Variants in DLGAP2 observed in about 807,000 individuals in gnomAD.
DLGAP2 encodes the protein disks large-associated protein 2.
Under a neutral mutation model 100.3 loss-of-function variants are expected in DLGAP2, and 26 were observed. That is an observed-to-expected ratio of 0.26 (90% CI 0.19 to 0.36). The LOEUF (loss-of-function observed/expected upper bound fraction) is 0.36, where lower values mean the gene tolerates loss of function less well. Among genes scored for constraint, DLGAP2 ranks in the 10% least tolerant of loss-of-function variants. DLGAP2 has a pLI of 1.00. For synonymous variants in DLGAP2, 886 were observed against 630.1 expected, an observed-to-expected ratio of 1.41 and a Z score of -6.08; for missense variants, 1,858 against 1,453.2, an observed-to-expected ratio of 1.28 and a Z score of -4.53.
chr8:1,236,259 C>T (rs1288496707), intron 2 of DLGAP2, among the ~76,000 whole-genome samples: 1 of 63,104 alleles, frequency 1.6e-5, no homozygotes, highest in Non-Finnish European at 3.2e-5. Flanking sequence ...AGTTATCTCA[C>T]ATGGTGCCGT....
chr8:1,376,375 C>A (rs941410335), intron 3 of DLGAP2, among the ~76,000 whole-genome samples: 15 of 152,254 alleles, frequency 9.9e-5, no homozygotes, highest in African/African-American at 3.4e-4. Flanking sequence ...CCACGGGGGC[C>A]TGCAGAGAGA....
intron 3 of DLGAP2, among the ~76,000 whole-genome samples, chr8:1,266,215 C>G (rs73670701): frequency 1.8e-4 from 27 of 152,124 alleles, no homozygotes; most frequent in Admixed American, 1.8e-3. Flanking sequence ...TTGCCAAGTT[C>G]ACAAAGTTTA....
intron 2 of DLGAP2, among the ~76,000 whole-genome samples, chr8:996,220 A>C (rs1202853615): frequency 6.6e-6 from 1 of 152,180 alleles, no homozygotes; most frequent in Non-Finnish European, 1.5e-5. Context: ...TTCTTTACTT[A>C]TAGTAACTTT....
At chr8:943,680 A>G (rs1300710810) in intron 2 of DLGAP2, among the ~76,000 whole-genome samples, 1 of 150,298 alleles carries the variant, frequency 6.7e-6, no homozygotes, top group Non-Finnish European at 1.5e-5. Context: ...ACTGTGTACA[A>G]GATCATGTGG....
At chr8:1,099,770 A>G (rs1462956379) in intron 2 of DLGAP2, among the ~76,000 whole-genome samples, 1 of 152,252 alleles carries the variant, frequency 6.6e-6, no homozygotes, top group African/African-American at 2.4e-5. Context: ...GAAATACCAC[A>G]GGTCTTTTAT....
intron 3 of DLGAP2, among the ~76,000 whole-genome samples, chr8:1,373,013 G>T: frequency 6.6e-6 from 1 of 152,184 alleles, no homozygotes; most frequent in East Asian, 1.9e-4. Context: ...TTCGCTCATA[G>T]TTGAGCCGTC....
intron 4 of DLGAP2, among the ~76,000 whole-genome samples, chr8:1,533,306 G>T (rs1801046681): frequency 6.6e-6 from 1 of 151,976 alleles, no homozygotes; most frequent in African/African-American, 2.4e-5. Context: ...AGATCATCCT[G>T]GCTAACATGG....
rs75229580 is a variant in DLGAP2 at position 1,180,253 on chromosome 8, T to A, written c.74-78598T>A. 6.3e-3 allele frequency among the ~76,000 whole-genome samples: 961 copies of A among 152,356 alleles called. 13 individuals carry two copies. Among genetic ancestry groups the A allele is most frequent in the African/African-American group, 0.022 (926 of 41,586 alleles). On this transcript the variant is annotated intron_variant, in intron 2 of 14. Coordinates refer to ENST00000637795, the MANE Select transcript of DLGAP2 (RefSeq NM_001346810.2). ...AGTGCCCAGATTCTAGCTACACATA[T>A]GTCCATGTAACCCACATGCCAGTCA...
chr8:924,087 GAGA>G, intron 2 of DLGAP2, among the ~76,000 whole-genome samples: 1 of 152,318 alleles, frequency 6.6e-6, no homozygotes, highest in African/African-American at 2.4e-5. Context: ...CTATAAACAT[GAGA>G]AGTGCACGTT....
At chr8:960,235 A>AACTTTTTTTT (rs1799691008) in intron 2 of DLGAP2, among the ~76,000 whole-genome samples, 1 of 8,348 alleles carries the variant, frequency 1.2e-4, no homozygotes, top group African/African-American at 4.3e-4. Context: ...CCTGAAGTAT[A>AACTTTTTTTT]TCTTTTTTTT....
chr8:1,630,938 G>A (rs1452823458), intron 7 of DLGAP2, among the ~76,000 whole-genome samples: 11 of 144,418 alleles, frequency 7.6e-5, no homozygotes, highest in Admixed American at 2.7e-4. Flanking sequence ...TGTCCCGAGG[G>A]TCTCGGCGGG....
At chr8:1,548,305 C>T (rs190047262) in intron 4 of DLGAP2, among the ~76,000 whole-genome samples, 2 of 151,510 alleles carry the variant, frequency 1.3e-5, no homozygotes, top group East Asian at 3.9e-4. Flanking sequence ...ACTAAAAATA[C>T]AAAATTAGCC....
chr8:1,169,514 G>T (rs1353710071), intron 2 of DLGAP2, among the ~76,000 whole-genome samples: 2 of 152,172 alleles, frequency 1.3e-5, no homozygotes, highest in African/African-American at 2.4e-5. Context: ...CTATCCATGA[G>T]CATGGAATGT....
chr8:1,676,663 T>A (rs1772662323), intron 11 of DLGAP2, 45 bp downstream of exon 11: 1 of 1,568,980 alleles, frequency 6.4e-7, no homozygotes, highest in Non-Finnish European at 8.7e-7. Context: ...GAGCGAGGGC[T>A]CTTTGTCAAA....
intron 2 of DLGAP2, among the ~76,000 whole-genome samples, chr8:1,193,934 C>G (rs552451984): frequency 1.1e-4 from 16 of 152,250 alleles, no homozygotes; most frequent in African/African-American, 3.9e-4. Flanking sequence ...CGTTTTCGTT[C>G]TCAGTAATTT....
chr8:1,034,582 C>T (rs1304855093), intron 2 of DLGAP2, among the ~76,000 whole-genome samples: 4 of 86,114 alleles, frequency 4.6e-5, no homozygotes, highest in African/African-American at 1.1e-4. Context: ...CCCGACCCCG[C>T]GTGTCACCGC....
chr8:1,516,253 G>A (rs1296308488), intron 4 of DLGAP2, among the ~76,000 whole-genome samples: 2 of 152,108 alleles, frequency 1.3e-5, no homozygotes, highest in Non-Finnish European at 2.9e-5. Context: ...GTAAATGAGT[G>A]AGTGAAAGAG....
intron 2 of DLGAP2, among the ~76,000 whole-genome samples, chr8:923,042 A>G (rs1798746261): frequency 6.6e-6 from 1 of 152,026 alleles, no homozygotes; most frequent in Admixed American, 6.6e-5. Context: ...GTGTGTGTTG[A>G]TTTTGCTACC....
At chr8:853,611 C>A (rs1012790726) in intron 1 of DLGAP2, among the ~76,000 whole-genome samples, 1 of 152,208 alleles carries the variant, frequency 6.6e-6, no homozygotes, top group Non-Finnish European at 1.5e-5. Flanking sequence ...TCCAAGTTCT[C>A]AGATATAGCC....
Sources: allele counts gnomAD v4.1 joint callset (sites outside exome capture counted in the v4.1 genomes callset), GRCh38; gene constraint gnomAD v4.1.1; transcripts MANE v1.5; gene names NCBI Gene and HGNC (gene_info 2026-07-23, HGNC 2026-07-21).